The following TCF4 variants were observed in gnomAD, a reference collection of about 807,000 sequenced individuals.
The protein encoded by TCF4 is transcription factor 4.
In TCF4, 3 loss-of-function variants were observed where a neutral mutation model predicts 82.1. That is an observed-to-expected ratio of 0.04 (90% CI 0.02 to 0.09). TCF4 has a LOEUF of 0.09. Among genes scored for constraint, TCF4 ranks in the 10% least tolerant of loss-of-function variants. TCF4 has a pLI of 1.00. For synonymous variants in TCF4, 276 were observed against 309.6 expected (o/e 0.89, Z 1.14); for missense variants, 518 against 852.7 (o/e 0.61, Z 4.89).
chr18:55,350,959 G>C lies in TCF4; in HGVS notation c.414C>G (p.Thr138=), dbSNP rs201061418. ...GGDMDMGNPG[T]LSPTKPGSQY... ...GGGAACCAGGTTTGGTGGGCGAAAGGGTTCCTGGGTTGCCCATATCCATGT... is the reference window on the plus strand; with the variant it reads ...GGGAACCAGGTTTGGTGGGCGAAAGCGTTCCTGGGTTGCCCATATCCATGT... The change falls in exon 7 of 20, where the codon ACC becomes ACG. Residue 138 remains threonine, a synonymous_variant. Coordinates refer to ENST00000354452, the MANE Select transcript of TCF4 (RefSeq NM_001083962.2). 2.1e-5 allele frequency: 34 copies of C among 1,613,494 alleles called. No individual in the cohort carries two copies. The African/African-American group carries it at 3.7e-4, about 18-fold the overall frequency.
chr18:55,582,223 A>C (rs1321663068), intron 3 of TCF4, among the ~76,000 whole-genome samples: 1 of 152,132 alleles, frequency 6.6e-6, no homozygotes, highest in Non-Finnish European at 1.5e-5. Flanking sequence ...TAGGTATCCT[A>C]CTTTTCAATG....
intron 6 of TCF4, chr18:55,401,823 A>C: frequency 1.0e-6 from 1 of 979,838 alleles, no homozygotes; most frequent in African/African-American, 1.7e-5. Context: ...TATTCTCTCA[A>C]TGACCAGAAA....
chr18:55,418,277 T>C (rs528036279), intron 5 of TCF4, among the ~76,000 whole-genome samples: 1 of 152,140 alleles, frequency 6.6e-6, no homozygotes, highest in Non-Finnish European at 1.5e-5. Context: ...TAACATTGCG[T>C]CAATGAGCCT....
chr18:55,508,409 G>C (rs2096787919), intron 3 of TCF4, among the ~76,000 whole-genome samples: 2 of 152,106 alleles, frequency 1.3e-5, no homozygotes, highest in Non-Finnish European at 2.9e-5. Flanking sequence ...CAAATGTAAT[G>C]ATTATTTCTA....
rs191549300 is a variant in TCF4, at chr18:55,342,020, T to C, written c.549+8339A>G. 1.3e-3 allele frequency among the ~76,000 whole-genome samples: 200 copies of C among 152,310 alleles called. 1 individual carries two copies. The highest frequency in any genetic ancestry group is 4.2e-3 in the African/African-American group (176 of 41,576). On this transcript the variant is annotated intron_variant, in intron 8 of 19. Transcript: ENST00000354452. ...AAGACATGTTCCATGTTACATGGTG[T>C]GTCTAGTTTTTAGCTGCAATGAAAA...
intron 8 of TCF4, among the ~76,000 whole-genome samples, chr18:55,302,264 A>G (rs2068561744): frequency 6.6e-6 from 1 of 152,250 alleles, no homozygotes; most frequent in African/African-American, 2.4e-5. Context: ...GGGCAGAGCG[A>G]ATTAAAATGA....
chr18:55,264,745 A>G (rs2058748846), intron 11 of TCF4: 1 of 152,188 alleles, frequency 6.6e-6, no homozygotes, highest in Non-Finnish European at 1.5e-5. Flanking sequence ...CATGTAACAG[A>G]AAGATGAAAA....
At chr18:55,298,255 C>T (rs938435491) in intron 8 of TCF4, among the ~76,000 whole-genome samples, 3 of 152,200 alleles carry the variant, frequency 2.0e-5, no homozygotes, top group African/African-American at 7.2e-5. Flanking sequence ...TGAGTGAGAA[C>T]TGAAAGATTT....
At chr18:55,404,031 C>T (rs1222700031) in intron 5 of TCF4, 3 of 1,177,970 alleles carry the variant, frequency 2.5e-6, no homozygotes, top group Non-Finnish European at 3.2e-6. Flanking sequence ...CTCCCTTTCC[C>T]AGGAGTGAAC....
At chr18:55,534,325 A>T (rs182859392) in intron 3 of TCF4, among the ~76,000 whole-genome samples, 2 of 152,338 alleles carry the variant, frequency 1.3e-5, no homozygotes, top group Admixed American at 1.3e-4. Flanking sequence ...ATGCAGAGAC[A>T]CACCATAAAT....
rs141786501 is a variant in TCF4, at chr18:55,546,147, G to A, written c.145+39133C>T. On this transcript the variant is annotated intron_variant, in intron 3 of 19. Transcript: ENST00000354452. Reference sequence around the variant, plus strand: ...GCCCAGGAGTAAGAGACCAGCCTCCGTAACAAAGTGAGACCTCGTCTCCAC... The same window carrying A: ...GCCCAGGAGTAAGAGACCAGCCTCCATAACAAAGTGAGACCTCGTCTCCAC... Among the ~76,000 whole-genome samples the A allele has an allele frequency of 3.9e-3, 588 of 152,136 alleles. 1 individual carries two copies. Among genetic ancestry groups the A allele is most frequent in the Non-Finnish European group, 6.5e-3 (441 of 67,992 alleles).
At chr18:55,623,648 A>AT (rs1023178822) in intron 2 of TCF4, among the ~76,000 whole-genome samples, 6 of 151,334 alleles carry the variant, frequency 4.0e-5, no homozygotes, top group African/African-American at 7.3e-5. Flanking sequence ...GTGGATCGAT[A>AT]TTTTTTTTTG....
intron 5 of TCF4, chr18:55,403,995 C>G (rs2093963896): frequency 1.0e-6 from 1 of 979,904 alleles, no homozygotes; most frequent in African/African-American, 1.7e-5. Flanking sequence ...AATTCTGAGT[C>G]TCTCTCTCTC....
At chr18:55,612,870 T>C (rs1320942011) in intron 2 of TCF4, among the ~76,000 whole-genome samples, 1 of 152,042 alleles carries the variant, frequency 6.6e-6, no homozygotes, top group African/African-American at 2.4e-5. Flanking sequence ...ATCGCTTGAA[T>C]TCAGGAGGCA....
At chr18:55,247,422 A>G (rs555861310) in intron 15 of TCF4, among the ~76,000 whole-genome samples, 2 of 152,366 alleles carry the variant, frequency 1.3e-5, no homozygotes, top group East Asian at 3.9e-4. Flanking sequence ...CAAAAAGTAC[A>G]CAATGAGACT....
intron 5 of TCF4, among the ~76,000 whole-genome samples, chr18:55,406,762 CG>C (rs1255867441): frequency 7.9e-5 from 12 of 152,144 alleles, no homozygotes; most frequent in African/African-American, 2.9e-4. Context: ...ACAACCACAA[CG>C]GGGCTTTGAA....
At chr18:55,330,382 G>A (rs942063123) in intron 8 of TCF4, among the ~76,000 whole-genome samples, 1 of 152,004 alleles carries the variant, frequency 6.6e-6, no homozygotes. Flanking sequence ...GTTTCGCTAC[G>A]TTGGCCAGGA....
chr18:55,488,149 T>C lies in TCF4; in HGVS notation c.146-24012A>G, dbSNP rs557018256. On this transcript the variant is annotated intron_variant, in intron 3 of 19. Coordinates refer to ENST00000354452, the MANE Select transcript of TCF4 (RefSeq NM_001083962.2). Reference sequence around the variant, plus strand: ...TATAACAGAAACCTATGAGGTTCTATATTCAGTTGTGGTCATGAAAATCCT... The same window carrying C: ...TATAACAGAAACCTATGAGGTTCTACATTCAGTTGTGGTCATGAAAATCCT... Among the ~76,000 whole-genome samples the C allele has an allele frequency of 2.0e-5, 3 of 152,364 alleles. No individual in the cohort carries two copies. The South Asian group carries it at 6.2e-4, about 32-fold the overall frequency.
intron 3 of TCF4, among the ~76,000 whole-genome samples, chr18:55,497,872 C>A (rs1036337707): frequency 6.6e-6 from 1 of 152,170 alleles, no homozygotes; most frequent in African/African-American, 2.4e-5. Flanking sequence ...AAAAAAACCT[C>A]TGACATCCAC....
Sources: gnomAD v4.1 joint callset for allele counts (sites outside exome capture counted in the v4.1 genomes callset) on GRCh38, gnomAD v4.1.1 for gene constraint, MANE v1.5 for transcripts, NCBI Gene and HGNC (gene_info 2026-07-23, HGNC 2026-07-21) for gene names.